The following GRIK2 variants were observed in gnomAD, a reference collection of about 807,000 sequenced individuals.
The protein encoded by GRIK2 is glutamate ionotropic receptor kainate type subunit 2.
In GRIK2, 32 loss-of-function variants were observed where a neutral mutation model predicts 100.3. The ratio of observed to expected loss-of-function variants is 0.32; its 90% confidence interval spans 0.24 to 0.43. The LOEUF (loss-of-function observed/expected upper bound fraction) is 0.43. Among genes scored for constraint, GRIK2 ranks in the 20% least tolerant of loss-of-function variants. The pLI is 1.00. For synonymous variants in GRIK2, 417 were observed against 389.4 expected (o/e 1.07, Z -0.83); for missense variants, 843 against 1,114.9 (o/e 0.76, Z 3.47).
intron 7 of GRIK2, among the ~76,000 whole-genome samples, chr6:101,785,282 T>C (rs1417565428): frequency 1.3e-5 from 2 of 152,218 alleles, no homozygotes; most frequent in African/African-American, 4.8e-5. Context: ...GTTGGTTGTT[T>C]GCTTTGCTGT....
At chr6:101,808,602 A>C (rs1254329527) in intron 9 of GRIK2, among the ~76,000 whole-genome samples, 2 of 151,964 alleles carry the variant, frequency 1.3e-5, no homozygotes, top group African/African-American at 2.4e-5. Flanking sequence ...TTTTTCTAGC[A>C]TCAAATTTTG....
chr6:101,547,067 G>A (rs1776280031), intron 2 of GRIK2, among the ~76,000 whole-genome samples: 1 of 151,496 alleles, frequency 6.6e-6, no homozygotes, highest in Non-Finnish European at 1.5e-5. Context: ...TCTTGACCTC[G>A]TGATCCGCCC....
At chr6:101,773,377 G>A (rs1322122915) in intron 7 of GRIK2, among the ~76,000 whole-genome samples, 2 of 151,588 alleles carry the variant, frequency 1.3e-5, no homozygotes, top group African/African-American at 4.9e-5. Context: ...CTACTCGGGA[G>A]GCTCAGGCAG....
intron 2 of GRIK2, among the ~76,000 whole-genome samples, chr6:101,488,883 G>C: frequency 6.9e-6 from 1 of 145,804 alleles, no homozygotes; most frequent in East Asian, 1.9e-4. Flanking sequence ...TAAAACTATT[G>C]GAGTTTTCTT....
At chr6:101,851,969 A>AAAG (rs1562439159) in intron 10 of GRIK2, among the ~76,000 whole-genome samples, 2 of 151,436 alleles carry the variant, frequency 1.3e-5, no homozygotes, top group African/African-American at 4.9e-5. Context: ...AAAAAAAAAA[A>AAAG]AAAAAATCTT....
At chr6:101,958,456 T>A (rs367858138) in intron 14 of GRIK2, among the ~76,000 whole-genome samples, 1 of 152,036 alleles carries the variant, frequency 6.6e-6, no homozygotes, top group African/African-American at 2.4e-5. Context: ...AGTTGTAAGA[T>A]TTTATCATCA....
intron 2 of GRIK2, among the ~76,000 whole-genome samples, chr6:101,596,938 TTA>T (rs1262697239): frequency 6.6e-6 from 1 of 151,878 alleles, no homozygotes; most frequent in Non-Finnish European, 1.5e-5. Flanking sequence ...ACACATGCAC[TTA>T]TATGTTAATC....
chr6:101,404,732 G>A (rs1164950143), intron 2 of GRIK2, among the ~76,000 whole-genome samples: 1 of 152,172 alleles, frequency 6.6e-6, no homozygotes, highest in African/African-American at 2.4e-5. Flanking sequence ...GGTAGTGAAG[G>A]TTTAGCTTCA....
chr6:102,032,357 C>T (rs754197164), intron 14 of GRIK2, among the ~76,000 whole-genome samples: 4 of 151,102 alleles, frequency 2.6e-5, no homozygotes, highest in Non-Finnish European at 4.4e-5. Context: ...AAGAATTCGG[C>T]AGTAAATTAT....
chr6:101,764,420 G>T (rs569719783), intron 7 of GRIK2, among the ~76,000 whole-genome samples: 5 of 152,230 alleles, frequency 3.3e-5, no homozygotes, highest in South Asian at 2.1e-4. Flanking sequence ...AGAGGGAAAA[G>T]ATAACCAGCA....
intron 2 of GRIK2, among the ~76,000 whole-genome samples, chr6:101,494,052 TATG>T (rs1351322797): frequency 1.4e-5 from 2 of 146,124 alleles, no homozygotes; most frequent in African/African-American, 2.5e-5. Context: ...ATAAAATATA[TATG>T]ATATTTTTAT....
intron 14 of GRIK2, among the ~76,000 whole-genome samples, chr6:101,999,150 T>C (rs1794802727): frequency 6.6e-6 from 1 of 152,140 alleles, no homozygotes; most frequent in Admixed American, 6.6e-5. Flanking sequence ...AGGTTTGTAA[T>C]AATTATTGAA....
chr6:101,573,483 A>C (rs1225342617), intron 2 of GRIK2, among the ~76,000 whole-genome samples: 3 of 152,192 alleles, frequency 2.0e-5, no homozygotes, highest in African/African-American at 7.2e-5. Flanking sequence ...GCAGAGAATC[A>C]GCTCTAATAC....
intron 14 of GRIK2, among the ~76,000 whole-genome samples, chr6:101,930,507 A>G (rs1370728919): frequency 2.0e-5 from 3 of 152,036 alleles, no homozygotes; most frequent in African/African-American, 4.8e-5. Context: ...AATACAACCT[A>G]TTGTACCTAA....
chr6:101,684,788 G>A (rs1379808195), intron 6 of GRIK2, among the ~76,000 whole-genome samples: 1 of 151,692 alleles, frequency 6.6e-6, no homozygotes, highest in African/African-American at 2.4e-5. Context: ...TTGGACAAAG[G>A]GAGGTTATGA....
chr6:101,460,416 T>C (rs948933281), intron 2 of GRIK2, among the ~76,000 whole-genome samples: 1 of 152,238 alleles, frequency 6.6e-6, no homozygotes, highest in African/African-American at 2.4e-5. Flanking sequence ...AGTTTGTTTC[T>C]TCTTAAATAG....
At chr6:101,498,203 T>C (rs1306009067) in intron 2 of GRIK2, among the ~76,000 whole-genome samples, 4 of 151,022 alleles carry the variant, frequency 2.6e-5, no homozygotes, top group African/African-American at 9.8e-5. Context: ...GAACTCATCA[T>C]TTTTTATGGC....
intron 2 of GRIK2, among the ~76,000 whole-genome samples, chr6:101,565,915 T>TTA (rs71797313): frequency 0.12 from 14,326 of 122,590 alleles, 1,007 homozygotes; most frequent in Non-Finnish European, 0.14. Flanking sequence ...TATACCTATT[T>TTA]TATATATATA....
chr6:101,945,369 G>A (rs1791209778), intron 14 of GRIK2, among the ~76,000 whole-genome samples: 2 of 152,002 alleles, frequency 1.3e-5, no homozygotes, highest in East Asian at 1.9e-4. Flanking sequence ...AATTCAAAAT[G>A]GAGTCTTTAT....
Sources: gnomAD v4.1 joint callset for allele counts (sites outside exome capture counted in the v4.1 genomes callset) on GRCh38, gnomAD v4.1.1 for gene constraint, MANE v1.5 for transcripts, NCBI Gene and HGNC (gene_info 2026-07-23, HGNC 2026-07-21) for gene names.